NAPB: variants seen among roughly 807,000 people sequenced by gnomAD.
The protein encoded by NAPB is beta-soluble NSF attachment protein.
A neutral mutation model predicts 44.7 loss-of-function variants in NAPB; 26 were observed. The observed-to-expected ratio is 0.58, with a 90% confidence interval of 0.43 to 0.81. The LOEUF is 0.81. NAPB is among the 30% of genes least tolerant of loss of function. The pLI is 0.00. For missense variants in NAPB, 315 were observed against 356.4 expected, an observed-to-expected ratio of 0.88 and a Z score of 0.94; for synonymous variants, 120 against 116.8, an observed-to-expected ratio of 1.03 and a Z score of -0.18.
chr20:23,382,907 C>A (rs1983137928), intron 7 of NAPB, among the ~76,000 whole-genome samples: 1 of 152,132 alleles, frequency 6.6e-6, no homozygotes, highest in African/African-American at 2.4e-5. Context: ...GTAATCCCAG[C>A]ACTGTGGGAG....
intron 7 of NAPB, among the ~76,000 whole-genome samples, chr20:23,388,833 A>G (rs1341924317): frequency 3.1e-5 from 1 of 32,068 alleles, no homozygotes; most frequent in Non-Finnish European, 4.8e-5. Flanking sequence ...GAAAAGCCTC[A>G]TATCAGATTT....
At chr20:23,392,078 G>C (rs1171509487) in intron 5 of NAPB, among the ~76,000 whole-genome samples, 1 of 152,208 alleles carries the variant, frequency 6.6e-6, no homozygotes, top group Non-Finnish European at 1.5e-5. Context: ...CATTCACTTA[G>C]CATCTGTTAC....
chr20:23,389,231 T>TAA (rs71330886), intron 7 of NAPB, among the ~76,000 whole-genome samples: 8,635 of 115,116 alleles, frequency 0.075, 428 homozygotes, highest in Middle Eastern at 0.15. Context: ...GACTATTATT[T>TAA]AAAAAAAAAA....
In NAPB at chr20:23,397,177, C is replaced by T. The variant is rs144803308; in HGVS notation, c.190G>A (p.Ala64Thr). ...MAKNWSAAGN[A>T]FCQAAKLHMQ... is the part of the protein sequence containing the mutation. ...TGGAGCTTGGCTGCCTGACAAAATG[C>T]GTTTCCTGCAGCTGAAGAAGACACT... Residue 64 changes from alanine (A) to threonine (T), a missense_variant, in exon 3 of 11, where the codon GCA becomes ACA. By Grantham distance (58) the Ala-to-Thr change is moderately conservative. This residue lies in a region of NAPB where 179 missense variants were observed against 182.5 expected (regional missense o/e 0.98). Transcript: ENST00000377026. 8 of 1,611,116 alleles carry T rather than the reference C, an allele frequency of 5.0e-6. No individual in the cohort carries two copies. Among genetic ancestry groups the T allele is most frequent in the Middle Eastern group, 1.7e-4 (1 of 5,978 alleles).
intron 1 of NAPB, among the ~76,000 whole-genome samples, chr20:23,403,716 A>G (rs1985029823): frequency 6.6e-6 from 1 of 152,156 alleles, no homozygotes; most frequent in African/African-American, 2.4e-5. Flanking sequence ...CATCTATAAA[A>G]GCTGGAAGTT....
intron 2 of NAPB, among the ~76,000 whole-genome samples, chr20:23,400,876 A>C (rs1984783290): frequency 1.3e-5 from 2 of 152,206 alleles, no homozygotes; most frequent in Non-Finnish European, 2.9e-5. Context: ...TGGCCTTCCA[A>C]GGTTTACTTT....
Position 23,377,490 on chromosome 20 carries a change from G to A in NAPB, c.787-4C>T. The stretch of plus-strand genomic sequence containing the variant: ...ATATTGAGTCAAATTCCTTCACCTA[G>A]TATAAGGAAAGAGGAACAGGAATTA... On this transcript the variant is annotated splice_region_variant and splice_polypyrimidine_tract_variant and intron_variant, in intron 10 of 10. Transcript: ENST00000377026. The A allele has an allele frequency of 6.3e-7, 1 of 1,579,202 alleles. No individual in the cohort carries two copies. Among genetic ancestry groups the A allele is most frequent in the Non-Finnish European group, 8.7e-7 (1 of 1,155,830 alleles).
chr20:23,405,869 CAGT>C (rs1985215609), intron 1 of NAPB, among the ~76,000 whole-genome samples: 1 of 152,190 alleles, frequency 6.6e-6, no homozygotes. Context: ...GACAGGTCTA[CAGT>C]AGGCAAATTT....
intron 7 of NAPB, 128 bp downstream of exon 7, chr20:23,389,817 AC>A: frequency 1.4e-6 from 1 of 722,702 alleles, no homozygotes; most frequent in Non-Finnish European, 2.3e-6. Context: ...TTGTGAACAG[AC>A]TAAAAACCGC....
At chr20:23,419,056 A>G (rs1986208745) in intron 1 of NAPB, among the ~76,000 whole-genome samples, 1 of 152,204 alleles carries the variant, frequency 6.6e-6, no homozygotes, top group African/African-American at 2.4e-5. Flanking sequence ...TTTGATGAAT[A>G]TGCTAATTAA....
chr20:23,388,175 C>A (rs902907746), intron 7 of NAPB, among the ~76,000 whole-genome samples: 1 of 152,056 alleles, frequency 6.6e-6, no homozygotes, highest in Non-Finnish European at 1.5e-5. Context: ...CTTCAGAATG[C>A]AGATCTTAGG....
intron 10 of NAPB, among the ~76,000 whole-genome samples, chr20:23,378,621 T>C (rs888345460): frequency 2.0e-5 from 3 of 149,256 alleles, no homozygotes; most frequent in Non-Finnish European, 4.5e-5. Flanking sequence ...TTTGTATTTT[T>C]AGTAAAGATG....
intron 1 of NAPB, among the ~76,000 whole-genome samples, chr20:23,403,477 C>A (rs1322067451): frequency 6.6e-6 from 1 of 152,054 alleles, no homozygotes; most frequent in African/African-American, 2.4e-5. Flanking sequence ...GTGGCATGTG[C>A]CTGTAGTACC....
At chr20:23,385,732 AAGAAGAGAAAGAG>A (rs200362361) in intron 7 of NAPB, among the ~76,000 whole-genome samples, 6 of 150,092 alleles carry the variant, frequency 4.0e-5, no homozygotes, top group Admixed American at 1.3e-4. Context: ...AAAGAAGAGA[AAGAAGAGAAAGAG>A]AGAGAGAGAA....
chr20:23,382,076 C>T (rs1983052975), intron 7 of NAPB, among the ~76,000 whole-genome samples: 1 of 152,186 alleles, frequency 6.6e-6, no homozygotes, highest in Non-Finnish European at 1.5e-5. Context: ...GAAAGAGGTT[C>T]CCCTTCTTTC....
intron 1 of NAPB, among the ~76,000 whole-genome samples, chr20:23,411,137 A>G (rs1985626591): frequency 6.6e-6 from 1 of 152,198 alleles, no homozygotes; most frequent in Non-Finnish European, 1.5e-5. Context: ...GAGGGGAAGA[A>G]AAAACCCATT....
At chr20:23,390,287 C>G (rs750684412) in intron 5 of NAPB, 23 bp from the exon 6 acceptor site, 3 of 1,585,352 alleles carry the variant, frequency 1.9e-6, no homozygotes, top group Non-Finnish European at 2.6e-6. Context: ...ATATTTTATT[C>G]ACACACAATT....
intron 1 of NAPB, among the ~76,000 whole-genome samples, chr20:23,409,932 A>G (rs1009991762): frequency 6.6e-6 from 1 of 152,216 alleles, no homozygotes; most frequent in Non-Finnish European, 1.5e-5. Flanking sequence ...ATCATTGTCC[A>G]GGGAAGAACT....
At chr20:23,406,623 C>A (rs1985276674) in intron 1 of NAPB, among the ~76,000 whole-genome samples, 2 of 151,420 alleles carry the variant, frequency 1.3e-5, no homozygotes, top group Non-Finnish European at 2.9e-5. Context: ...TTTCCCTCCA[C>A]TTCAAATCTA....
Sources: allele counts gnomAD v4.1 joint callset (sites outside exome capture counted in the v4.1 genomes callset), GRCh38; gene constraint gnomAD v4.1.1; regional missense constraint gnomAD v4.1.1; transcripts MANE v1.5; gene names NCBI Gene and HGNC (gene_info 2026-07-23, HGNC 2026-07-21).